The following TTN variants were observed in gnomAD, a reference collection of about 807,000 sequenced individuals.
TTN encodes the protein connectin.
TTN carries 1,525 observed loss-of-function variants against 3,223.0 expected under a neutral mutation model. The ratio of observed to expected loss-of-function variants is 0.47; its 90% CI spans 0.45 to 0.49. The LOEUF is 0.49. TTN is among the 20% of genes least tolerant of loss of function. TTN has a pLI of 0.00. For synonymous variants in TTN, 14,094 were observed against 15,161.0 expected (o/e 0.93, Z 5.17); for missense variants, 40,786 against 43,424.0 (o/e 0.94, Z 5.40).
intron 350 of TTN, chr2:178,540,988 G>A (rs1428793441): frequency 3.9e-6 from 1 of 253,886 alleles, no homozygotes; most frequent in East Asian, 7.4e-5. Flanking sequence ...TTTTAAGTGT[G>A]ATAGAAAGCA....
At position 178,560,833 on chromosome 2, in the gene TTN, C is replaced by A. The variant is rs1444500550; in HGVS notation, c.85299G>T (p.Lys28433Asn). ...CCACAGACCGAGTGCCGGCAACATT[C>A]TTCAGTGTTAGTACATATTGCCCAG... ...RDTGQYVLTL[K>N]NVAGTRSVAV... Residue 28433 changes from lysine (K) to asparagine (N), a missense_variant, in exon 326 of 363, where the codon AAG becomes AAT. Lys to Asn is a moderately conservative substitution (Grantham distance 94). Coordinates refer to ENST00000589042, the MANE Select transcript of TTN (RefSeq NM_001267550.2). The A allele has an allele frequency of 1.2e-6, 2 of 1,613,692 alleles. No homozygotes were observed. Among genetic ancestry groups the A allele is most frequent in the East Asian group, 4.5e-5 (2 of 44,770 alleles).
intron 90 of TTN, 48 bp from the exon 91 acceptor site, chr2:178,714,621 C>T (rs780394809): frequency 1.2e-4 from 187 of 1,525,892 alleles, no homozygotes; most frequent in Non-Finnish European, 1.6e-4. Context: ...GTGAGACTGA[C>T]AGCATTTTGC....
intron 273 of TTN, 115 bp downstream of exon 273, chr2:178,609,093 T>C (rs2055653467): frequency 7.6e-7 from 1 of 1,309,410 alleles, no homozygotes; most frequent in African/African-American, 1.5e-5. Context: ...TAAAATATGA[T>C]TGAGGATAAC....
chr2:178,731,046 G>T lies in TTN; in HGVS notation c.17619C>A (p.Val5873=). 2 of 1,613,552 alleles carry T rather than the reference G, an allele frequency of 1.2e-6. No individual in the cohort carries two copies. The highest frequency in any genetic ancestry group is 1.7e-6 in the Non-Finnish European group (2 of 1,179,692). ...TCTTCAGTATTGAGACTGTATCAGT[G>T]ACACTGATTTTATATTTTGAGCCCA... ...LTLGSKYKIS[V]TDTVSILKII... is the part of the protein sequence containing the mutation. The change falls in exon 60 of 363, where the codon GTC becomes GTA. Residue 5873 remains valine (V), a synonymous_variant. Transcript: ENST00000589042.
intron 150 of TTN, 29 bp from the exon 151 acceptor site, chr2:178,674,438 A>G: frequency 3.1e-6 from 4 of 1,282,884 alleles, no homozygotes; most frequent in Non-Finnish European, 4.3e-6. Flanking sequence ...TTTGTAAATT[A>G]TTTTTATAAT....
intron 299 of TTN, 22 bp from the exon 300 acceptor site, chr2:178,593,105 C>T (rs759909682): frequency 7.6e-5 from 122 of 1,610,972 alleles, no homozygotes; most frequent in Admixed American, 1.0e-4. Flanking sequence ...AAGTAAAAAA[C>T]GAATTAGCAT....
rs750835993 is a variant in TTN at position 178,746,430 on chromosome 2, A to AT, written c.11312-4510dup. 1.9e-6 allele frequency: 3 copies of AT among 1,610,590 alleles called. No homozygotes were observed. The South Asian group carries it at 3.3e-5, about 18-fold the overall frequency. On this transcript the variant is annotated intron_variant, in intron 47 of 362. Transcript: ENST00000589042. ...GTCACTATTTTCACCTGCTTCTCAA[A>AT]TTCTTTAACGTCTTTTTCACTTAAT...
chr2:178,784,391 A>T, intron 15 of TTN, 40 bp from the exon 16 acceptor site: 1 of 1,609,714 alleles, frequency 6.2e-7, no homozygotes. Context: ...TCATTTAACC[A>T]TCCTCCGATG....
At chr2:178,624,806 C>T (rs1052085611) in intron 241 of TTN, 75 bp from the exon 242 acceptor site, 3 of 1,543,298 alleles carry the variant, frequency 1.9e-6, no homozygotes, top group Non-Finnish European at 2.6e-6. Context: ...CAACTTTCCC[C>T]TGCCATCTCC....
At chr2:178,609,147 T>C in intron 273 of TTN, 61 bp downstream of exon 273, 1 of 1,430,760 alleles carries the variant, frequency 7.0e-7, no homozygotes, top group Non-Finnish European at 9.1e-7. Flanking sequence ...CTCCCAAACT[T>C]TTTATTTTTA....
chr2:178,543,510 C>T lies in TTN; in HGVS notation c.96463G>A (p.Val32155Ile). 6.2e-7 allele frequency: 1 copy of T among 1,613,634 alleles called. No homozygotes were observed. Among genetic ancestry groups the T allele is most frequent in the Non-Finnish European group, 8.5e-7 (1 of 1,179,736 alleles). ...AGTGTCTTGCTGCATTTGGTAGTTA[C>T]TGTTTTGAATGCTCTCATAGCAGCT... ...REAAMRAFKT[V>I]TTKCSKTLYR... Residue 32155 changes from valine to isoleucine, a missense_variant, in exon 347 of 363, where the codon GTA (valine) becomes ATA (isoleucine). Transcript: ENST00000589042.
intron 243 of TTN, 140 bp from the exon 244 acceptor site, chr2:178,622,148 C>G (rs1237597904): frequency 1.4e-6 from 1 of 735,918 alleles, no homozygotes; most frequent in Non-Finnish European, 2.2e-6. Context: ...GTGGCAGACA[C>G]AAATATAAAC....
intron 15 of TTN, among the ~76,000 whole-genome samples, chr2:178,784,576 A>C (rs2093034122): frequency 6.6e-6 from 1 of 152,246 alleles, no homozygotes; most frequent in African/African-American, 2.4e-5. Flanking sequence ...TCTTTTTTAA[A>C]GAGTTGTATT....
chr2:178,604,600 G>C, intron 281 of TTN, 108 bp downstream of exon 281: 1 of 1,196,980 alleles, frequency 8.4e-7, no homozygotes, highest in Non-Finnish European at 1.2e-6. Context: ...ACAGCTTATC[G>C]TGTGTGGTTT....
Position 178,678,423 on chromosome 2 carries a change from G to A in TTN, c.33901C>T (p.Pro11301Ser), listed in dbSNP as rs772510903. The change falls in exon 144 of 363, where the codon CCT becomes TCT. Residue 11301 changes from proline to serine, a missense_variant. Pro to Ser is a moderately conservative substitution (Grantham distance 74). Coordinates refer to ENST00000589042, the MANE Select transcript of TTN (RefSeq NM_001267550.2). ...VPAPKKVEAP[P>S]AKVPEVPKKL... Reference sequence around the variant, plus strand: ...TGATGAAATTATGTACCTTTTGCAGGTGGAGCCTCCACTTTCTTAGGAGCA... The same window carrying A: ...TGATGAAATTATGTACCTTTTGCAGATGGAGCCTCCACTTTCTTAGGAGCA... 3.8e-6 allele frequency: 6 copies of A among 1,587,720 alleles called. No homozygotes were observed. Among genetic ancestry groups the A allele is most frequent in the Non-Finnish European group, 4.3e-6 (5 of 1,166,656 alleles).
rs55972547 is a variant in TTN, at chr2:178,795,030, T to C, written c.1137A>G (p.Arg379=). 2.4e-3 allele frequency: 3,945 copies of C among 1,612,830 alleles called. 59 individuals are homozygous for C. The highest frequency in any genetic ancestry group is 0.022 in the South Asian group (2,036 of 91,090). ...TGGTCACTTGCTCCTGGACACCGTATCTCCCTTCCCATCTCTCTTCTGTCC... is the reference window on the plus strand; with the variant it reads ...TGGTCACTTGCTCCTGGACACCGTACCTCCCTTCCCATCTCTCTTCTGTCC... ...QIRTEERWEG[R]YGVQEQVTIS... Residue 379 remains arginine (R), a synonymous_variant, in exon 7 of 363, where the codon AGA becomes AGG. Coordinates refer to ENST00000589042, the MANE Select transcript of TTN (RefSeq NM_001267550.2).
Position 178,790,001 on chromosome 2 carries a change from G to A in TTN, c.1915C>T (p.Gln639Ter), listed in dbSNP as rs1554028413. ...GREGITTKRE[Q>*]VQITQEKMRK... ...ACCTTCTCCTGAGTTATTTGCACTTGTTCTCTTTTGGTAGTAATGCCTTCT... is the reference window on the plus strand; with the variant it reads ...ACCTTCTCCTGAGTTATTTGCACTTATTCTCTTTTGGTAGTAATGCCTTCT... The change falls in exon 12 of 363, where the codon CAA (glutamine) becomes TAA (stop). Residue 639 changes from glutamine to a stop codon, truncating the protein, a stop_gained. Coordinates refer to ENST00000589042, the MANE Select transcript of TTN (RefSeq NM_001267550.2). LOFTEE classifies it high-confidence loss of function. The A allele has an allele frequency of 3.1e-6, 5 of 1,612,996 alleles. No homozygotes were observed. Among genetic ancestry groups the A allele is most frequent in the Non-Finnish European group, 3.4e-6 (4 of 1,179,330 alleles).
chr2:178,733,035 C>A lies in TTN; in HGVS notation c.16141G>T (p.Ala5381Ser). Residue 5381 changes from alanine to serine, a missense_variant, in exon 55 of 363, where the codon GCA (alanine) becomes TCA (serine). Transcript: ENST00000589042. Reference sequence around the variant, plus strand: ...GACACCCTCATGGGGAGGGAGCCTGCAATTTTGCAGTCCAGTCTGCAGGTA... The same window carrying A: ...GACACCCTCATGGGGAGGGAGCCTGAAATTTTGCAGTCCAGTCTGCAGGTA... ...NGTCRLDCKIAGSLPMRVSWF... is the reference protein window; with the variant it reads ...NGTCRLDCKISGSLPMRVSWF... 2 of 1,613,388 alleles carry A rather than the reference C, an allele frequency of 1.2e-6. No homozygotes were observed. Among genetic ancestry groups the A allele is most frequent in the Non-Finnish European group, 1.7e-6 (2 of 1,179,636 alleles).
At chr2:178,688,606 C>T (rs1184187721) in intron 126 of TTN, 71 bp downstream of exon 126, 2 of 1,035,596 alleles carry the variant, frequency 1.9e-6, no homozygotes, top group African/African-American at 1.6e-5. Context: ...TAAACAATCA[C>T]ATGTGGAAGA....
Sources: allele counts gnomAD v4.1 joint callset (sites outside exome capture counted in the v4.1 genomes callset), GRCh38; gene constraint gnomAD v4.1.1; transcripts MANE v1.5; gene names NCBI Gene and HGNC (gene_info 2026-07-23, HGNC 2026-07-21).